ARHGAP8: variants seen among roughly 807,000 people sequenced by gnomAD.
ARHGAP8 encodes the protein Rho GTPase activating protein 8, also known as rho GTPase-activating protein 8.
Under a neutral mutation model 46.1 loss-of-function variants are expected in ARHGAP8, and 62 were observed. The ratio of observed to expected loss-of-function variants is 1.34; its 90% confidence interval spans 1.10 to 1.66. The LOEUF (loss-of-function observed/expected upper bound fraction) is 1.66. ARHGAP8 is among the 40% of genes most tolerant of loss of function. ARHGAP8 has a pLI of 0.00. For synonymous variants in ARHGAP8, 375 were observed against 243.1 expected (o/e 1.54, Z -5.05); for missense variants, 923 against 568.4 (o/e 1.62, Z -6.34).
chr22:44,854,858 C>G (rs1225817863), intron 10 of ARHGAP8, among the ~76,000 whole-genome samples: 1 of 152,168 alleles, frequency 6.6e-6, no homozygotes, highest in East Asian at 1.9e-4. Flanking sequence ...GTTGGCCAGG[C>G]TTGTCTTGAG....
chr22:44,859,667 G>C lies in ARHGAP8; in HGVS notation c.878-64G>C, dbSNP rs951252788. 6.3e-6 allele frequency: 10 copies of C among 1,575,052 alleles called. No homozygotes were observed. The African/African-American group carries it at 8.1e-5, about 13-fold the overall frequency. On this transcript the variant is annotated intron_variant, in intron 10 of 11. Transcript: ENST00000356099. ...TTCCTACACCCCTGTTCTCCTCCCG[G>C]GCCGGGATGCAGCGCTGCCCCTGGC...
chr22:44,833,084 T>C (rs924052235), intron 7 of ARHGAP8, among the ~76,000 whole-genome samples: 2 of 128,914 alleles, frequency 1.6e-5, no homozygotes, highest in Non-Finnish European at 1.6e-5. Flanking sequence ...CTTTTTTCTT[T>C]TCTTTTCTTT....
chr22:44,758,805 C>G (rs923236537), intron 1 of ARHGAP8, among the ~76,000 whole-genome samples: 1 of 152,162 alleles, frequency 6.6e-6, no homozygotes, highest in Non-Finnish European at 1.5e-5. Flanking sequence ...GAATGTTATT[C>G]CAAGAATGAC....
intron 4 of ARHGAP8, chr22:44,809,090 G>C (rs1929154268): frequency 2.1e-6 from 1 of 469,882 alleles, no homozygotes; most frequent in African/African-American, 2.0e-5. Flanking sequence ...CAAAGTACTG[G>C]GATTACAGGC....
intron 1 of ARHGAP8, among the ~76,000 whole-genome samples, chr22:44,780,834 G>A (rs1926792597): frequency 6.6e-6 from 1 of 152,170 alleles, no homozygotes; most frequent in Admixed American, 6.5e-5. Context: ...CCTGGGTTGT[G>A]AGGCTTTAGT....
rs556549843 is a variant in ARHGAP8 at position 44,862,134 on chromosome 22, G to A, written c.982-141G>A. The stretch of plus-strand genomic sequence containing the variant: ...CCCTGAGTGGGCAGGTGGCTGCACA[G>A]GGTCCCCATTACTGGCTGCCGGCTC... On this transcript the variant is annotated intron_variant, in intron 11 of 11. Transcript: ENST00000356099. 70 of 1,004,398 alleles carry A rather than the reference G, an allele frequency of 7.0e-5. 1 individual carries two copies. In the Middle Eastern group the frequency reaches 1.3e-3, roughly 19 times the overall value. 62.2% of individuals were successfully genotyped at this position (1,004,398 alleles called of 1,614,324 possible).
intron 1 of ARHGAP8, among the ~76,000 whole-genome samples, chr22:44,764,739 C>G (rs1925417801): frequency 6.6e-6 from 1 of 152,222 alleles, no homozygotes; most frequent in South Asian, 2.1e-4. Context: ...GAAAGAGAAA[C>G]CTGAGTGTGC....
At chr22:44,767,323 A>T (rs1025941136) in intron 1 of ARHGAP8, among the ~76,000 whole-genome samples, 1 of 152,006 alleles carries the variant, frequency 6.6e-6, no homozygotes, top group Admixed American at 6.6e-5. Flanking sequence ...TTCATTTCGG[A>T]TGCTCTTTCT....
chr22:44,798,590 G>A (rs1928265298), intron 2 of ARHGAP8, among the ~76,000 whole-genome samples: 1 of 151,296 alleles, frequency 6.6e-6, no homozygotes, highest in African/African-American at 2.4e-5. Flanking sequence ...GGTTAGAGGT[G>A]GACTGAGCGG....
chr22:44,809,611 C>CA, intron 4 of ARHGAP8: 5 of 175,844 alleles, frequency 2.8e-5, no homozygotes, highest in Admixed American at 5.9e-5. Context: ...ACCCCAGGCC[C>CA]CCGCCTCCCT....
At chr22:44,848,204 AGGGG>A (rs1403304592) in intron 9 of ARHGAP8, among the ~76,000 whole-genome samples, 154 bp downstream of exon 9, 326 of 152,300 alleles carry the variant, frequency 2.1e-3, no homozygotes, top group Non-Finnish European at 3.8e-3. Flanking sequence ...GGAGGCATCG[AGGGG>A]CCCACTGGTA....
chr22:44,828,086 G>A (rs929970298), intron 7 of ARHGAP8, among the ~76,000 whole-genome samples: 2 of 152,198 alleles, frequency 1.3e-5, no homozygotes, highest in South Asian at 2.1e-4. Flanking sequence ...AGCTCTGACC[G>A]ATTCACCCTC....
chr22:44,859,477 G>A (rs898121175), intron 10 of ARHGAP8, among the ~76,000 whole-genome samples: 2 of 152,144 alleles, frequency 1.3e-5, no homozygotes, highest in African/African-American at 2.4e-5. Context: ...TGCCATGCTT[G>A]TACAGCCTGT....
At chr22:44,855,756 G>A (rs77172132) in intron 10 of ARHGAP8, among the ~76,000 whole-genome samples, 5,377 of 152,250 alleles carry the variant, frequency 0.035, 308 homozygotes, top group African/African-American at 0.12. Context: ...CCCACAGATA[G>A]CCAAAAGAAA....
In ARHGAP8 at chr22:44,825,562, C is replaced by G; in HGVS notation, c.565C>G (p.Pro189Ala). Residue 189 changes from proline (P) to alanine (A), a missense_variant, in exon 7 of 12, where the codon CCC (proline) becomes GCC (alanine). By Grantham distance (27) the Pro-to-Ala change is conservative. Coordinates refer to ENST00000356099, the MANE Select transcript of ARHGAP8 (RefSeq NM_181335.3). ...TKTPPPRPPL[P>A]TQQFGVSLQY... ...GACACCACCGCCGCGGCCCCCGCTG[C>G]CCACACAGCAGTTTGGCGTCAGTCT... The G allele has an allele frequency of 6.2e-7, 1 of 1,613,234 alleles. No homozygotes were observed. Among genetic ancestry groups the G allele is most frequent in the Non-Finnish European group, 8.5e-7 (1 of 1,179,776 alleles).
At chr22:44,776,306 G>A (rs1926412257) in intron 1 of ARHGAP8, among the ~76,000 whole-genome samples, 2 of 152,102 alleles carry the variant, frequency 1.3e-5, no homozygotes, top group South Asian at 4.1e-4. Context: ...CAAAAAATTA[G>A]CCGAGCATGG....
rs1485063891 is a variant in ARHGAP8, at chr22:44,862,474, C to T, written c.1181C>T (p.Pro394Leu). 6 of 1,613,916 alleles carry T rather than the reference C, an allele frequency of 3.7e-6. No individual in the cohort carries two copies. The highest frequency in any genetic ancestry group is 4.2e-6 in the Non-Finnish European group (5 of 1,179,896). The change falls in exon 12 of 12, where the codon CCA becomes CTA. Residue 394 changes from proline (P) to leucine (L), a missense_variant. By Grantham distance (98) the Pro-to-Leu change is moderately conservative. Coordinates refer to ENST00000356099, the MANE Select transcript of ARHGAP8 (RefSeq NM_181335.3). Reference sequence around the variant, plus strand: ...GCACCTGGGGAGCACGGCCTGGCACCATGGGAACAGGGGAGCAGGGCAGCC... The same window carrying T: ...GCACCTGGGGAGCACGGCCTGGCACTATGGGAACAGGGGAGCAGGGCAGCC... ...PEAPGEHGLA[P>L]WEQGSRAAPL...
At chr22:44,757,296 A>G (rs1924760111) in intron 1 of ARHGAP8, among the ~76,000 whole-genome samples, 1 of 146,262 alleles carries the variant, frequency 6.8e-6, no homozygotes, top group Admixed American at 6.8e-5. Flanking sequence ...TTTTTTTTTG[A>G]GACAGAGTTT....
intron 2 of ARHGAP8, among the ~76,000 whole-genome samples, chr22:44,794,963 C>T (rs889497931): frequency 6.6e-6 from 1 of 150,642 alleles, no homozygotes; most frequent in Admixed American, 6.6e-5. Context: ...ATCGTTTGAG[C>T]CCAGGAGGTC....
Sources: gnomAD v4.1 joint callset for allele counts (sites outside exome capture counted in the v4.1 genomes callset) on GRCh38, gnomAD v4.1.1 for gene constraint, MANE v1.5 for transcripts, NCBI Gene and HGNC (gene_info 2026-07-23, HGNC 2026-07-21) for gene names.